The following SULT4A1 variants were observed in gnomAD, a reference collection of about 807,000 sequenced individuals.
SULT4A1 encodes the protein sulfotransferase 4A1.
In SULT4A1, 11 loss-of-function variants were observed where a neutral mutation model predicts 35.2. The ratio of observed to expected loss-of-function variants is 0.31; its 90% CI spans 0.20 to 0.52. The LOEUF is 0.52. Ranked by LOEUF, SULT4A1 falls within the 20% of genes least tolerant of loss-of-function variation. The pLI is 0.97. For missense variants in SULT4A1, 271 were observed against 383.7 expected, an observed-to-expected ratio of 0.71 and a Z score of 2.45; for synonymous variants, 152 against 151.8, an observed-to-expected ratio of 1.00 and a Z score of -0.01.
rs557141646 is a variant in SULT4A1, at chr22:43,861,009, T to C, written c.169+1205A>G. Reference sequence around the variant, plus strand: ...TCACAGATTAACAGCGATAGAGCACTTGGCCCGCAGGACTTAATGAGTGGC... The same window carrying C: ...TCACAGATTAACAGCGATAGAGCACCTGGCCCGCAGGACTTAATGAGTGGC... On this transcript the variant is annotated intron_variant, in intron 1 of 6. Transcript: ENST00000330884. 1.2e-4 allele frequency among the ~76,000 whole-genome samples: 19 copies of C among 152,314 alleles called. No homozygotes were observed. In the South Asian group the frequency reaches 3.7e-3, roughly 30 times the overall value.
intron 1 of SULT4A1, among the ~76,000 whole-genome samples, chr22:43,842,975 A>ATCTCTCTCTCTCTC (rs695712): frequency 0.019 from 2,795 of 144,530 alleles, 38 homozygotes; most frequent in African/African-American, 0.029. Flanking sequence ...AGTAAACAGC[A>ATCTCTCTCTCTCTC]TCTCTCTCTC....
intron 5 of SULT4A1, among the ~76,000 whole-genome samples, chr22:43,831,053 T>C (rs2063321725): frequency 6.6e-6 from 1 of 152,114 alleles, no homozygotes; most frequent in South Asian, 2.1e-4. Flanking sequence ...CCGGCTTTGA[T>C]AGAAAATGAA....
intron 4 of SULT4A1, among the ~76,000 whole-genome samples, chr22:43,838,623 G>A (rs895561290): frequency 3.9e-5 from 6 of 152,246 alleles, no homozygotes; most frequent in African/African-American, 1.2e-4. Context: ...CACCCCGACA[G>A]TGTGGTAGAA....
At chr22:43,843,353 T>C (rs2063449072) in intron 1 of SULT4A1, among the ~76,000 whole-genome samples, 1 of 152,104 alleles carries the variant, frequency 6.6e-6, no homozygotes, top group African/African-American at 2.4e-5. Flanking sequence ...ACCCAGGAGG[T>C]AGAGGCTGCA....
intron 4 of SULT4A1, among the ~76,000 whole-genome samples, chr22:43,837,734 CCCG>C (rs922779991): frequency 2.0e-5 from 3 of 152,180 alleles, no homozygotes; most frequent in African/African-American, 7.2e-5. Flanking sequence ...CCTGCACCGC[CCCG>C]CCAAGAGGTC....
intron 1 of SULT4A1, among the ~76,000 whole-genome samples, chr22:43,854,325 G>A (rs532729601): frequency 3.9e-5 from 6 of 152,176 alleles, no homozygotes; most frequent in Non-Finnish European, 8.8e-5. Context: ...CATTGGCCCA[G>A]GCTAGGCTGC....
At chr22:43,826,418 A>G (rs2063287370) in intron 6 of SULT4A1, 1 of 984,588 alleles carries the variant, frequency 1.0e-6, no homozygotes, top group African/African-American at 1.8e-5. Context: ...GGGAGACTCT[A>G]CTCCTGTTCA....
intron 2 of SULT4A1, among the ~76,000 whole-genome samples, chr22:43,840,765 C>A (rs1603406724): frequency 6.6e-6 from 1 of 152,348 alleles, no homozygotes; most frequent in African/African-American, 2.4e-5. Flanking sequence ...GTCTTCCCAG[C>A]TGCCCTAGGA....
intron 1 of SULT4A1, among the ~76,000 whole-genome samples, chr22:43,861,413 T>TGG (rs757935061): frequency 6.6e-6 from 1 of 152,120 alleles, no homozygotes; most frequent in Non-Finnish European, 1.5e-5. Context: ...AAACCTCAGA[T>TGG]GGGGTACTAT....
chr22:43,846,454 C>A lies in SULT4A1; in HGVS notation c.170-4522G>T, dbSNP rs186555897. On this transcript the variant is annotated intron_variant, in intron 1 of 6. Coordinates refer to ENST00000330884, the MANE Select transcript of SULT4A1 (RefSeq NM_014351.4). ...AGCCAGCATGTGGCCATGCTCAATT[C>A]ATATTTCCTGAGTGGACCGACAAAC... Among the ~76,000 whole-genome samples the A allele has an allele frequency of 4.6e-4, 70 of 152,366 alleles. No individual in the cohort carries two copies. In the Middle Eastern group the frequency reaches 0.031, roughly 67 times the overall value.
intron 1 of SULT4A1, among the ~76,000 whole-genome samples, chr22:43,860,483 G>A (rs559799595): frequency 2.6e-5 from 4 of 152,272 alleles, no homozygotes; most frequent in South Asian, 2.1e-4. Context: ...ACACATCAGC[G>A]GGCCGAGGTG....
intron 1 of SULT4A1, 67 bp downstream of exon 1, chr22:43,862,147 G>C (rs1359750328): frequency 6.4e-6 from 8 of 1,257,618 alleles, no homozygotes; most frequent in Non-Finnish European, 7.1e-6. Context: ...GCGCGGGCGC[G>C]GCGTCTACGC....
At chr22:43,836,909 A>G (rs1212248712) in intron 4 of SULT4A1, among the ~76,000 whole-genome samples, 1 of 152,208 alleles carries the variant, frequency 6.6e-6, no homozygotes, top group Non-Finnish European at 1.5e-5. Flanking sequence ...CGCACACTGC[A>G]GGTGTCACAG....
intron 4 of SULT4A1, among the ~76,000 whole-genome samples, chr22:43,833,937 G>T (rs1191411875): frequency 6.6e-6 from 1 of 152,232 alleles, no homozygotes; most frequent in African/African-American, 2.4e-5. Flanking sequence ...GGCACGCCTT[G>T]AAGGCCTGAC....
At chr22:43,850,201 T>G (rs1437673348) in intron 1 of SULT4A1, among the ~76,000 whole-genome samples, 1 of 152,226 alleles carries the variant, frequency 6.6e-6, no homozygotes, top group South Asian at 2.1e-4. Flanking sequence ...GTAGATTATT[T>G]TTACCCTCAA....
rs201971196 is a variant in SULT4A1, at chr22:43,843,955, A to G, written c.170-2023T>C. ...TGTGGTTGGCATCAGAACTGGGGGC[A>G]GTCTTGTGGGACTGAGACCTCGCCC... is the stretch of plus-strand genomic sequence containing the variant. On this transcript the variant is annotated intron_variant, in intron 1 of 6. Coordinates refer to ENST00000330884, the MANE Select transcript of SULT4A1 (RefSeq NM_014351.4). Among the ~76,000 whole-genome samples the G allele has an allele frequency of 2.0e-5, 3 of 152,162 alleles. No homozygotes were observed. In the East Asian group the frequency reaches 5.8e-4, roughly 29 times the overall value.
chr22:43,842,213 G>GGTGGGTGACAGC (rs1569503906), intron 1 of SULT4A1, among the ~76,000 whole-genome samples: 4 of 152,190 alleles, frequency 2.6e-5, no homozygotes, highest in Non-Finnish European at 5.9e-5. Flanking sequence ...TATGGAAGTG[G>GGTGGGTGACAGC]CTCAGGGGCT....
chr22:43,840,403 C>A (rs762161203), intron 2 of SULT4A1, among the ~76,000 whole-genome samples: 2 of 152,114 alleles, frequency 1.3e-5, no homozygotes, highest in Non-Finnish European at 2.9e-5. Flanking sequence ...CCAGCCAGGA[C>A]AGCCTCCCTT....
chr22:43,842,127 G>T (rs1328295686), intron 1 of SULT4A1, among the ~76,000 whole-genome samples, 195 bp from the exon 2 acceptor site: 1 of 152,198 alleles, frequency 6.6e-6, no homozygotes, highest in South Asian at 2.1e-4. Flanking sequence ...GGGCCAGTCG[G>T]CTCTGATTCT....
Sources: gnomAD v4.1 joint callset for allele counts (sites outside exome capture counted in the v4.1 genomes callset) on GRCh38, gnomAD v4.1.1 for gene constraint, MANE v1.5 for transcripts, NCBI Gene and HGNC (gene_info 2026-07-23, HGNC 2026-07-21) for gene names.